The following DPP6 variants were observed in gnomAD, a reference collection of about 807,000 sequenced individuals.
DPP6 encodes the protein A-type potassium channel modulatory protein DPP6.
DPP6 carries 69 observed loss-of-function variants against 122.6 expected under a neutral mutation model. That is an observed-to-expected ratio of 0.56 (90% CI 0.46 to 0.69). The LOEUF is 0.69. Ranked by LOEUF, DPP6 falls within the 30% of genes least tolerant of loss-of-function variation. The pLI is 0.00. For synonymous variants in DPP6, 418 were observed against 433.1 expected (o/e 0.97, Z 0.43); for missense variants, 928 against 1,116.9 (o/e 0.83, Z 2.41).
At chr7:154,820,739 G>A (rs1352453811) in intron 16 of DPP6, among the ~76,000 whole-genome samples, 1 of 152,190 alleles carries the variant, frequency 6.6e-6, no homozygotes, top group Non-Finnish European at 1.5e-5. Flanking sequence ...TTTAGAAGGA[G>A]AGATTGGGGA....
intron 7 of DPP6, among the ~76,000 whole-genome samples, chr7:154,708,127 G>A (rs1023222295): frequency 2.0e-5 from 3 of 152,166 alleles, no homozygotes; most frequent in East Asian, 1.9e-4. Flanking sequence ...AGAGCATTGG[G>A]TACTCTGAGA....
chr7:154,610,838 A>C (rs1833871876), intron 5 of DPP6, among the ~76,000 whole-genome samples: 1 of 151,908 alleles, frequency 6.6e-6, no homozygotes, highest in Non-Finnish European at 1.5e-5. Context: ...CACTCATCTG[A>C]AATATCCTTT....
At chr7:154,749,230 G>A (rs1227908639) in intron 8 of DPP6, among the ~76,000 whole-genome samples, 4 of 97,012 alleles carry the variant, frequency 4.1e-5, no homozygotes, top group African/African-American at 1.2e-4. Context: ...TAGGACAGGA[G>A]GGAGAGGGAT....
At chr7:154,864,186 GAA>G (rs1248988502) in intron 17 of DPP6, among the ~76,000 whole-genome samples, 2 of 152,224 alleles carry the variant, frequency 1.3e-5, no homozygotes, top group Non-Finnish European at 2.9e-5. Context: ...AGAAATGTGA[GAA>G]AGGGAAGCGG....
chr7:154,056,731 CA>C lies in DPP6; in HGVS notation c.243+3670del, dbSNP rs201729965. Reference sequence around the variant, plus strand: ...CATCATCCGCTATGTCTTCGGCAACCAACCCATTTTTTTCCTCCACCTTGGT... The same window carrying C: ...CATCATCCGCTATGTCTTCGGCAACCACCCATTTTTTTCCTCCACCTTGGT... On this transcript the variant is annotated intron_variant, in intron 1 of 25. Coordinates refer to ENST00000377770, the MANE Select transcript of DPP6 (RefSeq NM_130797.4). 4.1e-4 allele frequency among the ~76,000 whole-genome samples: 63 copies of C among 152,306 alleles called. 1 individual carries two copies. The East Asian group carries it at 0.012, about 28-fold the overall frequency.
intron 1 of DPP6, among the ~76,000 whole-genome samples, chr7:153,911,719 A>T (rs1288811412): frequency 1.3e-5 from 2 of 152,384 alleles, no homozygotes; most frequent in Non-Finnish European, 2.9e-5. Context: ...CTGCTTCTGC[A>T]TGCAGAGAAT....
At chr7:154,041,024 A>G (rs1483615690) in intron 1 of DPP6, among the ~76,000 whole-genome samples, 1 of 152,018 alleles carries the variant, frequency 6.6e-6, no homozygotes, top group East Asian at 1.9e-4. Flanking sequence ...AGATAAACAT[A>G]AGAGTGTTAT....
At chr7:154,387,364 A>G (rs950094272) in intron 1 of DPP6, among the ~76,000 whole-genome samples, 1 of 152,194 alleles carries the variant, frequency 6.6e-6, no homozygotes, top group Non-Finnish European at 1.5e-5. Flanking sequence ...TTCAAAGGCC[A>G]TAGTTGCTGC....
At chr7:154,872,214 C>T (rs560547584) in intron 18 of DPP6, among the ~76,000 whole-genome samples, 1 of 152,228 alleles carries the variant, frequency 6.6e-6, no homozygotes, top group Non-Finnish European at 1.5e-5. Context: ...CCTCTCCCTG[C>T]CTCCCTGCTC....
chr7:154,646,779 A>G (rs1390990966), intron 6 of DPP6, among the ~76,000 whole-genome samples: 2 of 152,110 alleles, frequency 1.3e-5, no homozygotes, highest in Admixed American at 1.3e-4. Context: ...TGTGACTTTG[A>G]ATTGCAAAAG....
At chr7:154,296,970 G>A (rs914410839) in intron 1 of DPP6, among the ~76,000 whole-genome samples, 1 of 152,116 alleles carries the variant, frequency 6.6e-6, no homozygotes, top group African/African-American at 2.4e-5. Flanking sequence ...GATACATGCT[G>A]ACAAGCCGTG....
At chr7:154,444,878 G>T (rs528440974) in intron 1 of DPP6, among the ~76,000 whole-genome samples, 1 of 152,150 alleles carries the variant, frequency 6.6e-6, no homozygotes, top group Non-Finnish European at 1.5e-5. Flanking sequence ...TGTTGCTCAC[G>T]GATAGTCTTA....
intron 1 of DPP6, among the ~76,000 whole-genome samples, chr7:153,996,892 A>G (rs1797464228): frequency 6.6e-6 from 1 of 152,202 alleles, no homozygotes; most frequent in African/African-American, 2.4e-5. Flanking sequence ...TGTATGTTAT[A>G]TGAATGTTGA....
intron 1 of DPP6, chr7:154,305,335 TA>T: frequency 9.8e-7 from 1 of 1,024,760 alleles, no homozygotes; most frequent in Non-Finnish European, 1.2e-6. Context: ...TCGTCTTGTC[TA>T]CCCACCCTCC....
chr7:154,539,194 A>C (rs940306288), intron 3 of DPP6, among the ~76,000 whole-genome samples: 1 of 152,210 alleles, frequency 6.6e-6, no homozygotes, highest in Non-Finnish European at 1.5e-5. Context: ...CCTTCTCCCC[A>C]CTGTGGGCCC....
At chr7:154,700,820 A>G (rs1374444888) in intron 7 of DPP6, among the ~76,000 whole-genome samples, 1 of 151,946 alleles carries the variant, frequency 6.6e-6, no homozygotes, top group East Asian at 1.9e-4. Flanking sequence ...CTAGCGAAGA[A>G]AATGTGCATC....
At chr7:154,005,354 T>C (rs1378577617) in intron 1 of DPP6, among the ~76,000 whole-genome samples, 1 of 152,106 alleles carries the variant, frequency 6.6e-6, no homozygotes, top group African/African-American at 2.4e-5. Context: ...GGGCTGAACT[T>C]TAGCAGGTTC....
At chr7:153,749,204 T>C in the DPP6 span, among the ~76,000 whole-genome samples, 87 of 152,254 alleles carry the variant, frequency 5.7e-4, no homozygotes, top group African/African-American at 1.7e-3. The surrounding 1 kb of genome is among the most constrained non-coding windows in gnomAD (Gnocchi z 4.1). Context: ...GTGTGCTGTT[T>C]TGTAGACCCG....
intron 1 of DPP6, among the ~76,000 whole-genome samples, chr7:154,254,711 G>C (rs1802550192): frequency 6.6e-6 from 1 of 152,068 alleles, no homozygotes. Context: ...GAACAGGGAG[G>C]TTAGAGGAAA....
Sources: gnomAD v4.1 joint callset for allele counts (sites outside exome capture counted in the v4.1 genomes callset) on GRCh38, gnomAD v4.1.1 for gene constraint, Gnocchi (gnomAD v3.1) non-coding constraint, MANE v1.5 for transcripts, NCBI Gene and HGNC (gene_info 2026-07-23, HGNC 2026-07-21) for gene names.